ADAMTS17: variants seen among roughly 807,000 people sequenced by gnomAD.
The protein encoded by ADAMTS17 is A disintegrin and metalloproteinase with thrombospondin motifs 17.
In ADAMTS17, 113 loss-of-function variants were observed where a neutral mutation model predicts 141.5. That is an observed-to-expected ratio of 0.80 (90% CI 0.69 to 0.93). The LOEUF (loss-of-function observed/expected upper bound fraction) is 0.93. Among genes scored for constraint, ADAMTS17 ranks in the 40% least tolerant of loss-of-function variants. ADAMTS17 has a pLI of 0.00. For synonymous variants in ADAMTS17, 768 were observed against 630.6 expected, an observed-to-expected ratio of 1.22 and a Z score of -3.27; for missense variants, 1,659 against 1,517.9, an observed-to-expected ratio of 1.09 and a Z score of -1.54.
At chr15:100,030,336 T>C (rs1450918029) in intron 18 of ADAMTS17, among the ~76,000 whole-genome samples, 2 of 152,332 alleles carry the variant, frequency 1.3e-5, no homozygotes, top group African/African-American at 2.4e-5. Flanking sequence ...TTGGAAATTA[T>C]GTACTTCAAT....
At chr15:100,098,578 G>C (rs138619884) in intron 14 of ADAMTS17, among the ~76,000 whole-genome samples, 2,264 of 152,024 alleles carry the variant, frequency 0.015, 56 homozygotes, top group African/African-American at 0.052. Flanking sequence ...CAGGAGAGTA[G>C]CTTGAACCTG....
intron 7 of ADAMTS17, among the ~76,000 whole-genome samples, chr15:100,246,535 A>T (rs1253309655): frequency 6.6e-6 from 1 of 152,226 alleles, no homozygotes; most frequent in Non-Finnish European, 1.5e-5. Context: ...GGAACAACGA[A>T]TATGTAATTA....
At chr15:100,082,680 G>C (rs1329401347) in intron 15 of ADAMTS17, among the ~76,000 whole-genome samples, 1 of 149,264 alleles carries the variant, frequency 6.7e-6, no homozygotes, top group Non-Finnish European at 1.5e-5. Context: ...TTCTGTTCTT[G>C]TTTTGTGGCT....
intron 3 of ADAMTS17, among the ~76,000 whole-genome samples, chr15:100,310,329 G>GGGA (rs2045362807): frequency 6.6e-6 from 1 of 152,238 alleles, no homozygotes; most frequent in Non-Finnish European, 1.5e-5. Context: ...CAAAAGCACA[G>GGGA]TGAGAGAAGC....
At chr15:100,135,512 T>C (rs2141257638) in intron 10 of ADAMTS17, among the ~76,000 whole-genome samples, 1 of 152,252 alleles carries the variant, frequency 6.6e-6, no homozygotes, top group Non-Finnish European at 1.5e-5. Flanking sequence ...CTCAATCTCC[T>C]GACCTCGTGA....
At chr15:100,152,233 G>C (rs2039202033) in intron 10 of ADAMTS17, among the ~76,000 whole-genome samples, 1 of 152,142 alleles carries the variant, frequency 6.6e-6, no homozygotes, top group Non-Finnish European at 1.5e-5. Context: ...GAAGTCAGGC[G>C]ACAGTGTCCT....
At chr15:100,053,396 C>A (rs1312098420) in intron 16 of ADAMTS17, among the ~76,000 whole-genome samples, 1 of 152,134 alleles carries the variant, frequency 6.6e-6, no homozygotes, top group Non-Finnish European at 1.5e-5. Context: ...ATCATCTGAT[C>A]CCCCTCCCTG....
At chr15:100,105,577 G>A (rs1461620882) in intron 14 of ADAMTS17, among the ~76,000 whole-genome samples, 2 of 152,190 alleles carry the variant, frequency 1.3e-5, no homozygotes, top group Admixed American at 6.5e-5. Context: ...TCATACCAAC[G>A]TGATAGTATT....
intron 7 of ADAMTS17, among the ~76,000 whole-genome samples, chr15:100,245,602 C>T (rs1307623369): frequency 6.6e-6 from 1 of 152,226 alleles, no homozygotes; most frequent in Non-Finnish European, 1.5e-5. Context: ...TTAGACACAA[C>T]CCTGGCAGGA....
In ADAMTS17 at chr15:100,331,046, G is replaced by A. The variant is rs1245436747; in HGVS notation, c.459C>T (p.Leu153=). ...ACGAAGGLVG[L]IQLGQEQVLI... is the part of the protein sequence containing the mutation. ...GCACCTGCTCCTGCCCAAGCTGAAT[G>A]AGGCCAACCTGTCCAGAAAGGAGAA... The change falls in exon 3 of 22, where the codon CTC becomes CTT. Residue 153 remains leucine (L), a synonymous_variant. Transcript: ENST00000268070. The A allele has an allele frequency of 1.9e-6, 3 of 1,614,042 alleles. No individual in the cohort carries two copies. Among genetic ancestry groups the A allele is most frequent in the Non-Finnish European group, 8.5e-7 (1 of 1,180,044 alleles).
chr15:100,029,079 T>G (rs1043310173), intron 18 of ADAMTS17, among the ~76,000 whole-genome samples: 1 of 152,194 alleles, frequency 6.6e-6, no homozygotes, highest in African/African-American at 2.4e-5. Flanking sequence ...TCAGTGCACT[T>G]GGGTCTTTCC....
Position 100,075,923 on chromosome 15 carries a change from T to C in ADAMTS17, c.2137+20433A>G, listed in dbSNP as rs187077826. ...GACCTGGTTTCTGTGATGGATTCAGTGACCTCTCCTACGTATGTCCTCAAT... is the reference window on the plus strand; with the variant it reads ...GACCTGGTTTCTGTGATGGATTCAGCGACCTCTCCTACGTATGTCCTCAAT... On this transcript the variant is annotated intron_variant, in intron 15 of 21. Coordinates refer to ENST00000268070, the MANE Select transcript of ADAMTS17 (RefSeq NM_139057.4). 2.0e-5 allele frequency among the ~76,000 whole-genome samples: 3 copies of C among 152,334 alleles called. No individual in the cohort carries two copies. The East Asian group carries it at 5.8e-4, about 29-fold the overall frequency.
chr15:100,019,754 G>A (rs147521081), intron 18 of ADAMTS17, among the ~76,000 whole-genome samples: 1 of 152,268 alleles, frequency 6.6e-6, no homozygotes, highest in East Asian at 1.9e-4. Flanking sequence ...GTGGAATTTG[G>A]CCCTGTGGCC....
intron 18 of ADAMTS17, among the ~76,000 whole-genome samples, chr15:100,001,603 T>C (rs8041337): frequency 0.52 from 79,000 of 151,916 alleles, 20,902 homozygotes; most frequent in Non-Finnish European, 0.58. Context: ...CATGCGTGCC[T>C]GCAGCAGGCA....
chr15:100,184,497 C>A (rs778373966), intron 8 of ADAMTS17, among the ~76,000 whole-genome samples: 1 of 152,198 alleles, frequency 6.6e-6, no homozygotes, highest in Non-Finnish European at 1.5e-5. Flanking sequence ...GTTACCTTTA[C>A]GTTTTTCTGA....
At chr15:100,270,316 C>G (rs537745106) in intron 4 of ADAMTS17, among the ~76,000 whole-genome samples, 1 of 152,076 alleles carries the variant, frequency 6.6e-6, no homozygotes, top group African/African-American at 2.4e-5. Flanking sequence ...CTTGTACCAC[C>G]CTCGGTAAAA....
At chr15:100,264,588 G>T (rs1173538895) in intron 4 of ADAMTS17, among the ~76,000 whole-genome samples, 2 of 152,184 alleles carry the variant, frequency 1.3e-5, no homozygotes, top group African/African-American at 4.8e-5. Context: ...GCCACAAAAG[G>T]AAAGACTGCA....
chr15:100,273,846 T>C (rs889653606), intron 4 of ADAMTS17, among the ~76,000 whole-genome samples: 1 of 152,198 alleles, frequency 6.6e-6, no homozygotes, highest in African/African-American at 2.4e-5. Flanking sequence ...TAAGCAGTGC[T>C]TTGTCCTTGT....
chr15:100,024,268 A>T (rs952783450), intron 18 of ADAMTS17, among the ~76,000 whole-genome samples: 12 of 152,130 alleles, frequency 7.9e-5, no homozygotes, highest in South Asian at 2.1e-4. Flanking sequence ...AATTTAAAAA[A>T]TTTTTTTTGT....
Sources: allele counts gnomAD v4.1 joint callset (sites outside exome capture counted in the v4.1 genomes callset), GRCh38; gene constraint gnomAD v4.1.1; transcripts MANE v1.5; gene names NCBI Gene and HGNC (gene_info 2026-07-23, HGNC 2026-07-21).